The following TSPAN14 variants were observed in gnomAD, a reference collection of about 807,000 sequenced individuals.
The protein encoded by TSPAN14 is tetraspanin-14.
TSPAN14 carries 16 observed loss-of-function variants against 36.6 expected under a neutral mutation model. That is an observed-to-expected ratio of 0.44 (90% confidence interval 0.30 to 0.66). TSPAN14 has a LOEUF of 0.66. Ranked by LOEUF, TSPAN14 falls within the 30% of genes least tolerant of loss-of-function variation. The pLI is 0.12. For synonymous variants in TSPAN14, 139 were observed against 143.8 expected, an observed-to-expected ratio of 0.97 and a Z score of 0.24; for missense variants, 231 against 355.1, an observed-to-expected ratio of 0.65 and a Z score of 2.81.
intron 4 of TSPAN14, among the ~76,000 whole-genome samples, chr10:80,508,732 A>G (rs111725201): frequency 1.1e-4 from 16 of 152,326 alleles, no homozygotes; most frequent in African/African-American, 3.6e-4. Flanking sequence ...CATGTCCTGC[A>G]TGAACTATGT....
chr10:80,471,889 C>A (rs944079132), intron 1 of TSPAN14, among the ~76,000 whole-genome samples: 7 of 152,130 alleles, frequency 4.6e-5, no homozygotes, highest in African/African-American at 1.7e-4. Flanking sequence ...GAAAATCTCT[C>A]ATGGGTGCTG....
intron 1 of TSPAN14, among the ~76,000 whole-genome samples, chr10:80,465,488 C>T (rs1006371116): frequency 6.6e-6 from 1 of 152,248 alleles, no homozygotes; most frequent in Non-Finnish European, 1.5e-5. Flanking sequence ...TGACATGAAT[C>T]TGCCCACTGA....
rs951160376 is a variant in TSPAN14 at position 80,509,675 on chromosome 10, C to T, written c.450+204C>T. On this transcript the variant is annotated intron_variant, in intron 5 of 8. Coordinates refer to ENST00000429989, the Ensembl canonical transcript of TSPAN14. This position sits in a 1 kb window ranked among gnomAD's most constrained non-coding sequence, Gnocchi z 4.7. ...GGTTGCCTGGTGGGCCAGCCCTTTC[C>T]CATTGGGATTGGGCAGGCAAGTCCA... The T allele has an allele frequency of 5.1e-4, 303 of 595,014 alleles. 1 individual carries two copies. Among genetic ancestry groups the T allele is most frequent in the Non-Finnish European group, 8.0e-4 (278 of 346,578 alleles). The allele number at this position is 595,014 out of a possible 1,614,324, so 36.9% of individuals were successfully genotyped here. A position where few individuals can be genotyped will look rare whatever the true frequency, so the allele number is the denominator to read the frequency against.
In TSPAN14 at chr10:80,470,541, T is replaced by G. The variant is rs533829903; in HGVS notation, c.-18+16170T>G. The stretch of plus-strand genomic sequence containing the variant: ...TTTATGCCTTTCAGGCGTGGAAACA[T>G]AGAGAATGAGGAGTAAATATAATTC... On this transcript the variant is annotated intron_variant, in intron 1 of 8. Coordinates refer to ENST00000429989, the Ensembl canonical transcript of TSPAN14. Among the ~76,000 whole-genome samples the G allele has an allele frequency of 3.7e-4, 56 of 152,370 alleles. 2 individuals are homozygous for G. The South Asian group carries it at 9.9e-3, about 27-fold the overall frequency.
intron 8 of TSPAN14, 138 bp from the exon 9 acceptor site, chr10:80,517,767 T>A: frequency 1.2e-6 from 1 of 800,752 alleles, no homozygotes; most frequent in South Asian, 1.6e-5. Context: ...CGCTCTGCGG[T>A]GCTGTCTCTA....
At chr10:80,500,924 T>C (rs2132034985) in intron 2 of TSPAN14, among the ~76,000 whole-genome samples, 1 of 152,322 alleles carries the variant, frequency 6.6e-6, no homozygotes, top group Admixed American at 6.5e-5. Context: ...TATGAACTGC[T>C]CTTGAGGTCG....
rs142088552 is a variant in TSPAN14 at position 80,470,918 on chromosome 10, G to A, written c.-18+16547G>A. Among the ~76,000 whole-genome samples, 280 of 152,314 alleles carry A rather than the reference G, an allele frequency of 1.8e-3. 1 individual carries two copies. The highest frequency in any genetic ancestry group is 6.5e-3 in the African/African-American group (271 of 41,570). ...GGGTCAGTCTCGGGGTGAAACAGTTGCCTGCTGCCAGGTCGGGTTGCAGTG... is the reference window on the plus strand; with the variant it reads ...GGGTCAGTCTCGGGGTGAAACAGTTACCTGCTGCCAGGTCGGGTTGCAGTG... On this transcript the variant is annotated intron_variant, in intron 1 of 8. Coordinates refer to ENST00000429989, the Ensembl canonical transcript of TSPAN14.
At chr10:80,486,158 A>G (rs891276217) in intron 1 of TSPAN14, among the ~76,000 whole-genome samples, 3 of 152,204 alleles carry the variant, frequency 2.0e-5, no homozygotes, top group Non-Finnish European at 4.4e-5. Flanking sequence ...TGAAGGCAGA[A>G]TTGTTCCCTG....
chr10:80,489,030 T>G (rs1847778045), intron 1 of TSPAN14, among the ~76,000 whole-genome samples, 187 bp from the exon 2 acceptor site: 1 of 152,230 alleles, frequency 6.6e-6, no homozygotes. Flanking sequence ...GTTTGTCTTT[T>G]GGAGAGCTGA....
At chr10:80,502,136 G>C (rs1848556405) in intron 2 of TSPAN14, among the ~76,000 whole-genome samples, 1 of 152,198 alleles carries the variant, frequency 6.6e-6, no homozygotes, top group African/African-American at 2.4e-5. Flanking sequence ...AGCATTGCCG[G>C]CTGAGGGAAC....
intron 7 of TSPAN14, among the ~76,000 whole-genome samples, chr10:80,515,257 C>G (rs968693745): frequency 6.6e-6 from 1 of 152,170 alleles, no homozygotes; most frequent in Non-Finnish European, 1.5e-5. Context: ...AGTCCAAGAT[C>G]AAGGTGCTGG....
At chr10:80,465,749 A>G (rs759322522) in intron 1 of TSPAN14, among the ~76,000 whole-genome samples, 3 of 152,206 alleles carry the variant, frequency 2.0e-5, no homozygotes, top group Non-Finnish European at 4.4e-5. Flanking sequence ...CTCGTTCTTA[A>G]TCTCCTGGTC....
chr10:80,480,311 C>T (rs1315010243), intron 1 of TSPAN14, among the ~76,000 whole-genome samples: 1 of 152,038 alleles, frequency 6.6e-6, no homozygotes, highest in Non-Finnish European at 1.5e-5. Context: ...ATTGCCCTGG[C>T]CAGAACTTCC....
At chr10:80,494,546 T>TA (rs2132022862) in intron 2 of TSPAN14, among the ~76,000 whole-genome samples, 1 of 152,316 alleles carries the variant, frequency 6.6e-6, no homozygotes, top group South Asian at 2.1e-4. Context: ...GGTGGGGTCT[T>TA]ATTCTCTTCC....
At chr10:80,492,665 A>C (rs935512948) in intron 2 of TSPAN14, among the ~76,000 whole-genome samples, 1 of 152,024 alleles carries the variant, frequency 6.6e-6, no homozygotes, top group Non-Finnish European at 1.5e-5. Context: ...AAATACAAAA[A>C]ATTAGCCGGG....
At chr10:80,489,411 G>A in intron 2 of TSPAN14, 97 bp downstream of exon 2, 1 of 903,754 alleles carries the variant, frequency 1.1e-6, no homozygotes, top group South Asian at 1.4e-5. Context: ...ACTATGTAAG[G>A]CTCTGGGATA....
At chr10:80,503,249 T>A (rs1848624443) in intron 2 of TSPAN14, among the ~76,000 whole-genome samples, 3 of 152,090 alleles carry the variant, frequency 2.0e-5, no homozygotes, top group Admixed American at 6.5e-5. Flanking sequence ...CCTTCCCAGC[T>A]AGTCAGTTCA....
intron 1 of TSPAN14, among the ~76,000 whole-genome samples, chr10:80,480,371 G>A (rs952587465): frequency 6.6e-6 from 1 of 152,146 alleles, no homozygotes; most frequent in Non-Finnish European, 1.5e-5. Flanking sequence ...AGTCAGTGTG[G>A]CGATTCCTCA....
intron 1 of TSPAN14, among the ~76,000 whole-genome samples, chr10:80,477,921 A>G (rs1847013220): frequency 6.6e-6 from 1 of 152,208 alleles, no homozygotes; most frequent in Non-Finnish European, 1.5e-5. Context: ...AAAAATACAA[A>G]TGATGCTGAC....
Sources: allele counts gnomAD v4.1 joint callset (sites outside exome capture counted in the v4.1 genomes callset), GRCh38; gene constraint gnomAD v4.1.1; non-coding constraint Gnocchi (gnomAD v3.1); transcripts MANE v1.5; gene names NCBI Gene and HGNC (gene_info 2026-07-23, HGNC 2026-07-21).